The following NCKAP5 variants were observed in gnomAD, a reference collection of about 807,000 sequenced individuals.
NCKAP5 encodes the protein nck-associated protein 5.
A neutral mutation model predicts 167.0 loss-of-function variants in NCKAP5; 92 were observed. The observed-to-expected ratio is 0.55, with a 90% confidence interval of 0.47 to 0.66. The LOEUF (loss-of-function observed/expected upper bound fraction) is 0.66. NCKAP5 is among the 30% of genes least tolerant of loss of function. The probability of loss-of-function intolerance (pLI) is 0.00; values close to 1 mark genes in which losing one functional copy is unlikely to be tolerated. For synonymous variants in NCKAP5, 891 were observed against 877.4 expected (o/e 1.02, Z -0.27); for missense variants, 2,378 against 2,315.0 (o/e 1.03, Z -0.56).
At chr2:133,192,444 C>A (rs1226088910) in intron 5 of NCKAP5, among the ~76,000 whole-genome samples, 2 of 151,986 alleles carry the variant, frequency 1.3e-5, no homozygotes, top group African/African-American at 2.4e-5. Flanking sequence ...TGTGAAATAT[C>A]CATGTTAAGA....
chr2:133,552,586 G>C (rs868528655), intron 2 of NCKAP5, among the ~76,000 whole-genome samples: 1 of 127,374 alleles, frequency 7.9e-6, no homozygotes, highest in South Asian at 3.1e-4. Context: ...CACACTCTGC[G>C]GACTGTGGTG....
intron 4 of NCKAP5, among the ~76,000 whole-genome samples, chr2:133,293,749 C>T (rs1359251208): frequency 6.6e-6 from 1 of 152,132 alleles, no homozygotes; most frequent in Non-Finnish European, 1.5e-5. Flanking sequence ...CTCCCTTGTG[C>T]TGGACAGAGG....
chr2:133,429,203 G>T (rs1389467246), intron 3 of NCKAP5, among the ~76,000 whole-genome samples: 1 of 152,144 alleles, frequency 6.6e-6, no homozygotes, highest in East Asian at 1.9e-4. Flanking sequence ...TGCCTCAGAA[G>T]AAGGTTCATG....
chr2:133,054,117 A>T (rs1432310434), intron 6 of NCKAP5, among the ~76,000 whole-genome samples: 1 of 152,224 alleles, frequency 6.6e-6, no homozygotes, highest in Non-Finnish European at 1.5e-5. Flanking sequence ...GGCTAAAAGT[A>T]TCTAAGCTTG....
At chr2:132,732,605 T>C (rs1691137169) in intron 16 of NCKAP5, among the ~76,000 whole-genome samples, 1 of 152,204 alleles carries the variant, frequency 6.6e-6, no homozygotes, top group Admixed American at 6.5e-5. Context: ...GCATATATCC[T>C]GGATAATCAG....
chr2:132,794,467 T>C (rs1235317555), intron 12 of NCKAP5, among the ~76,000 whole-genome samples: 1 of 150,864 alleles, frequency 6.6e-6, no homozygotes, highest in Non-Finnish European at 1.5e-5. Context: ...ACCCCGTCTC[T>C]ACTAAAAAAT....
chr2:133,221,390 T>C (rs1433285997), intron 4 of NCKAP5, among the ~76,000 whole-genome samples: 1 of 152,242 alleles, frequency 6.6e-6, no homozygotes, highest in Non-Finnish European at 1.5e-5. Flanking sequence ...AATACACCTA[T>C]ATTGGTTTTT....
chr2:133,037,472 G>A (rs2079075791), intron 6 of NCKAP5, among the ~76,000 whole-genome samples: 1 of 152,088 alleles, frequency 6.6e-6, no homozygotes, highest in Non-Finnish European at 1.5e-5. Context: ...GAAGAGAACA[G>A]AAAATCTAGA....
chr2:132,950,983 A>C (rs962270680), intron 8 of NCKAP5, among the ~76,000 whole-genome samples: 1 of 152,232 alleles, frequency 6.6e-6, no homozygotes, highest in African/African-American at 2.4e-5. Flanking sequence ...TGTGGATATG[A>C]TTACAAATGA....
rs181741611 is a variant in NCKAP5 at position 133,546,816 on chromosome 2, G to A, written c.-62+12234C>T. The stretch of plus-strand genomic sequence containing the variant: ...CATTCTGCTAACCTGGAATGCTTGG[G>A]TCTAGGAAAAAGAGCAATTCTTTGT... On this transcript the variant is annotated intron_variant, in intron 2 of 19. Coordinates refer to ENST00000409261, the MANE Select transcript of NCKAP5 (RefSeq NM_207363.3). Among the ~76,000 whole-genome samples the A allele has an allele frequency of 1.3e-3, 200 of 152,298 alleles. 1 individual carries two copies. The highest frequency in any genetic ancestry group is 4.3e-3 in the African/African-American group (177 of 41,568).
chr2:133,054,725 T>C (rs1378029973), intron 6 of NCKAP5, among the ~76,000 whole-genome samples: 1 of 152,156 alleles, frequency 6.6e-6, no homozygotes, highest in Non-Finnish European at 1.5e-5. Context: ...AAGTAAAGTA[T>C]CCTCACATGG....
intron 8 of NCKAP5, among the ~76,000 whole-genome samples, chr2:132,923,195 G>T (rs1695578917): frequency 6.6e-6 from 1 of 152,192 alleles, no homozygotes; most frequent in South Asian, 2.1e-4. Flanking sequence ...TGGTTATACA[G>T]ACACATGGAA....
At chr2:133,534,690 A>G (rs945194227) in intron 2 of NCKAP5, among the ~76,000 whole-genome samples, 2 of 152,146 alleles carry the variant, frequency 1.3e-5, no homozygotes, top group African/African-American at 4.8e-5. Flanking sequence ...TAATTGACTA[A>G]TATTCTATTA....
At chr2:132,691,517 C>T (rs1427877477) in intron 19 of NCKAP5, among the ~76,000 whole-genome samples, 1 of 152,170 alleles carries the variant, frequency 6.6e-6, no homozygotes, top group Non-Finnish European at 1.5e-5. Flanking sequence ...ATACCCGCTA[C>T]CTAACATGTT....
At chr2:132,925,649 C>G (rs1404719771) in intron 8 of NCKAP5, among the ~76,000 whole-genome samples, 4 of 151,938 alleles carry the variant, frequency 2.6e-5, no homozygotes, top group Non-Finnish European at 5.9e-5. Context: ...CTCTCACCCA[C>G]TGGCCCACTG....
At chr2:132,834,928 C>T (rs973945670) in intron 11 of NCKAP5, among the ~76,000 whole-genome samples, 5 of 152,168 alleles carry the variant, frequency 3.3e-5, no homozygotes, top group African/African-American at 7.2e-5. Context: ...TTCCCCTGTT[C>T]AGTAGGATGC....
chr2:132,881,898 T>C (rs1691789629), intron 8 of NCKAP5, among the ~76,000 whole-genome samples: 1 of 146,678 alleles, frequency 6.8e-6, no homozygotes, highest in African/African-American at 2.5e-5. Context: ...TAAGCAACCA[T>C]CAATGATTTT....
chr2:132,824,286 T>TTCTGC (rs1686969614), intron 11 of NCKAP5, among the ~76,000 whole-genome samples: 1 of 152,214 alleles, frequency 6.6e-6, no homozygotes, highest in African/African-American at 2.4e-5. Context: ...CTTCCCATCT[T>TTCTGC]TCTGCTCTGC....
At chr2:133,401,325 T>C (rs1205311126) in intron 3 of NCKAP5, among the ~76,000 whole-genome samples, 1 of 152,192 alleles carries the variant, frequency 6.6e-6, no homozygotes, top group Non-Finnish European at 1.5e-5. Flanking sequence ...TCATTTATAG[T>C]AAACTAATAA....
Sources: gnomAD v4.1 joint callset for allele counts (sites outside exome capture counted in the v4.1 genomes callset) on GRCh38, gnomAD v4.1.1 for gene constraint, MANE v1.5 for transcripts, NCBI Gene and HGNC (gene_info 2026-07-23, HGNC 2026-07-21) for gene names.